CTNNB1: variants seen among roughly 807,000 people sequenced by gnomAD.
CTNNB1 encodes catenin beta-1.
Under a neutral mutation model 82.5 loss-of-function variants are expected in CTNNB1, and 6 were observed. The ratio of observed to expected loss-of-function variants is 0.07; its 90% CI spans 0.04 to 0.14. The LOEUF (loss-of-function observed/expected upper bound fraction) is 0.14, where lower values mean the gene tolerates loss of function less well. Ranked by LOEUF, CTNNB1 falls within the 10% of genes least tolerant of loss-of-function variation. The pLI, the probability that CTNNB1 is intolerant of heterozygous loss-of-function variation, is 1.00. For missense variants in CTNNB1, 529 were observed against 980.4 expected, an observed-to-expected ratio of 0.54 and a Z score of 6.15; for synonymous variants, 312 against 329.7, an observed-to-expected ratio of 0.95 and a Z score of 0.58.
Position 41,239,119 on chromosome 3 carries a change from C to A in CTNNB1, c.2138-15C>A, listed in dbSNP as rs991967989. The A allele has an allele frequency of 3.1e-6, 5 of 1,610,868 alleles. No individual in the cohort carries two copies. Among genetic ancestry groups the A allele is most frequent in the Non-Finnish European group, 4.2e-6 (5 of 1,177,596 alleles). ...TTCCTTCTTGCCTATTTTGTTGACACCCTGACTCTTCTAGATCCTAGCTAT... is the reference window on the plus strand; with the variant it reads ...TTCCTTCTTGCCTATTTTGTTGACAACCTGACTCTTCTAGATCCTAGCTAT... On this transcript the variant is annotated splice_polypyrimidine_tract_variant and intron_variant, in intron 14 of 14. Transcript: ENST00000349496.
chr3:41,212,288 T>C (rs577222909), intron 1 of CTNNB1, among the ~76,000 whole-genome samples: 90 of 152,344 alleles, frequency 5.9e-4, no homozygotes, highest in African/African-American at 2.1e-3. Flanking sequence ...AGGTGTTCAA[T>C]AAAGTTTTGT....
chr3:41,234,936 T>A (rs1451407971), intron 10 of CTNNB1: 1 of 156,834 alleles, frequency 6.4e-6, no homozygotes, highest in Non-Finnish European at 1.4e-5. Context: ...ATGTTAGGAA[T>A]CTCATTTTGC....
intron 1 of CTNNB1, chr3:41,220,957 GA>G (rs1358714967): frequency 2.0e-5 from 3 of 152,164 alleles, no homozygotes; most frequent in Admixed American, 6.5e-5. Context: ...TTTGACTGGA[GA>G]CATTTATAGG....
At chr3:41,220,665 C>G (rs1249784074) in intron 1 of CTNNB1, 5 of 152,158 alleles carry the variant, frequency 3.3e-5, no homozygotes, top group African/African-American at 1.2e-4. Flanking sequence ...AAAAGTTTAT[C>G]ATGCTTATGA....
chr3:41,237,934 T>C, intron 13 of CTNNB1, 82 bp from the exon 14 acceptor site: 1 of 1,145,058 alleles, frequency 8.7e-7, no homozygotes, highest in Non-Finnish European at 1.3e-6. Flanking sequence ...AATCTGAAAG[T>C]ATGCTTTAAA....
chr3:41,214,555 G>C lies in CTNNB1; in HGVS notation c.-48-9466G>C, dbSNP rs182278897. 3.5e-4 allele frequency among the ~76,000 whole-genome samples: 52 copies of C among 150,286 alleles called. No individual in the cohort carries two copies. The East Asian group carries it at 4.9e-3, about 14-fold the overall frequency. On this transcript the variant is annotated intron_variant, in intron 1 of 14. Coordinates refer to ENST00000349496, the MANE Select transcript of CTNNB1 (RefSeq NM_001904.4). ...AGCTTCTTGTTTTGAAGATACTTAC[G>C]GGGGGGAACACTTTGTGATTTCTCT...
At chr3:41,219,825 A>T (rs1009976996) in intron 1 of CTNNB1, among the ~76,000 whole-genome samples, 3 of 152,206 alleles carry the variant, frequency 2.0e-5, no homozygotes, top group African/African-American at 7.2e-5. Flanking sequence ...TAAGAGAATT[A>T]TTTATATGCA....
At chr3:41,218,102 C>T (rs545109532) in intron 1 of CTNNB1, among the ~76,000 whole-genome samples, 9 of 151,710 alleles carry the variant, frequency 5.9e-5, no homozygotes, top group Non-Finnish European at 1.3e-4. Flanking sequence ...TATTTTTTTA[C>T]GTGTAAATAT....
At chr3:41,214,394 T>TA (rs11457773) in intron 1 of CTNNB1, among the ~76,000 whole-genome samples, 134,656 of 147,140 alleles carry the variant, frequency 0.92, 61,826 homozygotes, top group South Asian at 0.99. Flanking sequence ...TCTTTATAGT[T>TA]AAAAAAAAAA....
At position 41,239,921 on chromosome 3, in the gene CTNNB1, A is replaced by ATTTT. The variant is rs34653633; in HGVS notation, c.*595_*598dup. On this transcript the variant is annotated 3_prime_UTR_variant, in exon 15 of 15. Coordinates refer to ENST00000349496, the MANE Select transcript of CTNNB1 (RefSeq NM_001904.4). ...ATCAAACCCTAGCCTTGCTTGTTAA[A>ATTTT]TTTTTTTTTTTTTTTTTTTAAGAAT... is the stretch of plus-strand genomic sequence containing the variant. 1.1e-4 allele frequency: 18 copies of ATTTT among 158,842 alleles called. No individual in the cohort carries two copies. The highest frequency in any genetic ancestry group is 2.3e-3 in the Middle Eastern group (1 of 436). The allele number at this position is 158,842 out of a possible 1,614,324, so 9.8% of individuals were successfully genotyped here.
chr3:41,224,144 C>G lies in CTNNB1; in HGVS notation c.13+63C>G, dbSNP rs569737786. On this transcript the variant is annotated intron_variant, in intron 2 of 14. Coordinates refer to ENST00000349496, the MANE Select transcript of CTNNB1 (RefSeq NM_001904.4). ...TCTGCTTCGTTGCCATTAAGCCAGT[C>G]TGGCTGAGATCCCCCTGCTTTCCTC... 3.8e-6 allele frequency: 6 copies of G among 1,577,564 alleles called. No homozygotes were observed. The East Asian group carries it at 1.3e-4, about 35-fold the overall frequency.
chr3:41,227,465 T>A (rs1004664267), intron 7 of CTNNB1, 113 bp downstream of exon 7: 1 of 1,139,764 alleles, frequency 8.8e-7, no homozygotes. Context: ...AATGGTCCTA[T>A]TCAGTTTGCA....
intron 2 of CTNNB1, 119 bp from the exon 3 acceptor site, chr3:41,224,403 GCTGT>G: frequency 1.9e-6 from 2 of 1,057,280 alleles, no homozygotes; most frequent in Non-Finnish European, 1.4e-6. Context: ...GCTTTTCTTG[GCTGT>G]CTTTCAGATT....
chr3:41,224,894 A>G (rs2125619164), intron 3 of CTNNB1, 60 bp from the exon 4 acceptor site: 1 of 1,612,926 alleles, frequency 6.2e-7, no homozygotes. Context: ...CATTTAGGAT[A>G]GCAAATACTT....
At chr3:41,224,501 T>G in intron 2 of CTNNB1, 25 bp from the exon 3 acceptor site, 1 of 1,580,778 alleles carries the variant, frequency 6.3e-7, no homozygotes, top group South Asian at 1.1e-5. Flanking sequence ...AATCTACTAA[T>G]GCTAATACTG....
chr3:41,236,309 CTTTAGATTTA>C (rs991293002), intron 11 of CTNNB1, 30 bp from the exon 12 acceptor site: 1 of 1,613,434 alleles, frequency 6.2e-7, no homozygotes, highest in African/African-American at 1.3e-5. Context: ...CATGTTTTAG[CTTTAGATTTA>C]ATTAGGTTTT....
intron 1 of CTNNB1, among the ~76,000 whole-genome samples, chr3:41,206,494 C>T (rs1231050700): frequency 6.6e-6 from 1 of 152,094 alleles, no homozygotes; most frequent in Admixed American, 6.5e-5. Context: ...TGCAAAATTT[C>T]TTGGGAGTGC....
chr3:41,211,162 A>G (rs2077776332), intron 1 of CTNNB1: 1 of 445,224 alleles, frequency 2.2e-6, no homozygotes, highest in Non-Finnish European at 4.6e-6. Flanking sequence ...ATCACCACAA[A>G]CACCATGAGT....
At position 41,225,836 on chromosome 3, in the gene CTNNB1, T is replaced by C; in HGVS notation, c.911T>C (p.Leu304Ser). ...LAITTDCLQI[L>S]AYGNQESKLI... ...ATTACGACAGACTGCCTTCAAATTT[T>C]AGCTTATGGCAACCAAGAAAGCAAG... Residue 304 changes from leucine (L) to serine (S), a missense_variant, in exon 6 of 15, where the codon TTA becomes TCA. Leu to Ser is a moderately radical substitution (Grantham distance 145). Coordinates refer to ENST00000349496, the MANE Select transcript of CTNNB1 (RefSeq NM_001904.4). The surrounding 1 kb of genome is among the most constrained non-coding windows in gnomAD (Gnocchi z 5.3). 1 of 1,613,812 alleles carries C rather than the reference T, an allele frequency of 6.2e-7. No individual in the cohort carries two copies. The highest frequency in any genetic ancestry group is 8.5e-7 in the Non-Finnish European group (1 of 1,179,916).
Sources: allele counts gnomAD v4.1 joint callset (sites outside exome capture counted in the v4.1 genomes callset), GRCh38; gene constraint gnomAD v4.1.1; non-coding constraint Gnocchi (gnomAD v3.1); transcripts MANE v1.5; gene names NCBI Gene and HGNC (gene_info 2026-07-23, HGNC 2026-07-21).